The following DPP6 variants were observed in gnomAD, a reference collection of about 807,000 sequenced individuals.
The protein encoded by DPP6 is A-type potassium channel modulatory protein DPP6.
A neutral mutation model predicts 122.6 loss-of-function variants in DPP6; 69 were observed. The ratio of observed to expected loss-of-function variants is 0.56; its 90% CI spans 0.46 to 0.69. The LOEUF (loss-of-function observed/expected upper bound fraction) is 0.69, where lower values mean the gene tolerates loss of function less well. DPP6 is among the 30% of genes least tolerant of loss of function. The pLI, the probability that DPP6 is intolerant of heterozygous loss-of-function variation, is 0.00. For synonymous variants in DPP6, 418 were observed against 433.1 expected (o/e 0.97, Z 0.43); for missense variants, 928 against 1,116.9 (o/e 0.83, Z 2.41).
chr7:154,129,663 G>C (rs1808213907), intron 1 of DPP6, among the ~76,000 whole-genome samples: 1 of 152,188 alleles, frequency 6.6e-6, no homozygotes, highest in South Asian at 2.1e-4. Flanking sequence ...ACTTTGGGAG[G>C]CTGAGGCAGG....
At chr7:154,280,434 T>C (rs1804426081) in intron 1 of DPP6, among the ~76,000 whole-genome samples, 1 of 152,148 alleles carries the variant, frequency 6.6e-6, no homozygotes. Context: ...CCCCACTCAC[T>C]GAACCTGCAG....
intron 1 of DPP6, among the ~76,000 whole-genome samples, chr7:154,366,494 C>T (rs1002808626): frequency 6.6e-6 from 1 of 152,176 alleles, no homozygotes; most frequent in Non-Finnish European, 1.5e-5. Context: ...TGCACGGGAA[C>T]GTTCATGGAA....
chr7:154,865,499 C>G (rs1803783620), intron 17 of DPP6: 1 of 152,238 alleles, frequency 6.6e-6, no homozygotes, highest in African/African-American at 2.4e-5. Context: ...AACTTAGGTG[C>G]ATCATTAGTC....
Position 154,671,870 on chromosome 7 carries a change from A to ACACACACGTG in DPP6, c.762+2436_762+2437insGTGCACACAC, listed in dbSNP as rs1554431546. Reference sequence around the variant, plus strand: ...CCTCCCCCAACACACACATGCACACACACACACACACACACACAATGGTAG... The same window carrying ACACACACGTG: ...CCTCCCCCAACACACACATGCACACACACACACGTGCACACACACACACACACAATGGTAG... On this transcript the variant is annotated intron_variant, in intron 7 of 25. Transcript: ENST00000377770. Among the ~76,000 whole-genome samples, 19 of 150,140 alleles carry ACACACACGTG rather than the reference A, an allele frequency of 1.3e-4. No individual in the cohort carries two copies. The East Asian group carries it at 2.4e-3, about 19-fold the overall frequency.
intron 1 of DPP6, among the ~76,000 whole-genome samples, chr7:154,131,019 G>A (rs563359264): frequency 8.5e-5 from 13 of 152,188 alleles, no homozygotes; most frequent in East Asian, 1.9e-4. Context: ...TTCAGAAGCC[G>A]GAGCCAAGGG....
intron 1 of DPP6, among the ~76,000 whole-genome samples, chr7:153,953,016 TGGCAGAGGGAA>T (rs984208997): frequency 7.2e-5 from 11 of 152,214 alleles, no homozygotes; most frequent in African/African-American, 2.7e-4. Flanking sequence ...TCTTATAATG[TGGCAGAGGGAA>T]GGTGGGAGGA....
chr7:154,350,656 A>AAC (rs1810774647), intron 1 of DPP6, among the ~76,000 whole-genome samples: 1 of 152,120 alleles, frequency 6.6e-6, no homozygotes, highest in Non-Finnish European at 1.5e-5. Flanking sequence ...CTCTGCCTTG[A>AAC]ACAGGTGCAC....
intron 1 of DPP6, among the ~76,000 whole-genome samples, chr7:154,044,377 T>C (rs1419660522): frequency 6.6e-6 from 1 of 152,226 alleles, no homozygotes; most frequent in Non-Finnish European, 1.5e-5. Flanking sequence ...TTCAGTTTTA[T>C]TGCTCCTAAT....
At chr7:154,581,905 C>A (rs189460637) in intron 5 of DPP6, among the ~76,000 whole-genome samples, 7 of 152,162 alleles carry the variant, frequency 4.6e-5, no homozygotes, top group Admixed American at 2.0e-4. Flanking sequence ...TGCTAGAAAC[C>A]AGGATTTTTG....
At chr7:154,438,344 C>T (rs1375163783) in intron 1 of DPP6, among the ~76,000 whole-genome samples, 2 of 151,388 alleles carry the variant, frequency 1.3e-5, no homozygotes, top group African/African-American at 4.9e-5. Flanking sequence ...GTGGCGGGAG[C>T]CTGTAGTCCC....
rs186868596 is a variant in DPP6 at position 154,748,730 on chromosome 7, A to G, written c.884-20687A>G. On this transcript the variant is annotated intron_variant, in intron 8 of 25. Transcript: ENST00000377770. ...AGTGGAGGGTGTGAGCAGGGCTTCG[A>G]TGCCTTTTGCTCACGGTGTCCAGCA... Among the ~76,000 whole-genome samples, 12 of 152,120 alleles carry G rather than the reference A, an allele frequency of 7.9e-5. No homozygotes were observed. In the East Asian group the frequency reaches 2.1e-3, roughly 27 times the overall value.
chr7:154,459,805 C>CA (rs775605275), intron 2 of DPP6, among the ~76,000 whole-genome samples: 4,071 of 62,666 alleles, frequency 0.065, 312 homozygotes, highest in African/African-American at 0.16. Context: ...GATTCCATCT[C>CA]AAAAAAAAAA....
At chr7:154,076,407 G>A (rs898455294) in intron 1 of DPP6, among the ~76,000 whole-genome samples, 2 of 151,650 alleles carry the variant, frequency 1.3e-5, no homozygotes, top group Non-Finnish European at 2.9e-5. Context: ...CCGAGATTGT[G>A]GCAATGCACT....
intron 6 of DPP6, among the ~76,000 whole-genome samples, chr7:154,663,570 C>G (rs1209750196): frequency 2.8e-5 from 1 of 36,240 alleles, no homozygotes; most frequent in African/African-American, 5.3e-5. Context: ...TGTGTTGGCC[C>G]TAGTGTTCAC....
chr7:154,060,675 T>C (rs1472729224), intron 1 of DPP6, among the ~76,000 whole-genome samples: 4 of 127,998 alleles, frequency 3.1e-5, no homozygotes, highest in African/African-American at 6.0e-5. Flanking sequence ...GACTGAGAGC[T>C]ATCCCCTCTT....
chr7:153,754,369 A>G, the DPP6 span, among the ~76,000 whole-genome samples: 2 of 152,182 alleles, frequency 1.3e-5, no homozygotes, highest in Admixed American at 6.5e-5. Context: ...CACTTTAAAG[A>G]TGGCATTCCA....
intron 1 of DPP6, among the ~76,000 whole-genome samples, chr7:154,302,166 A>G (rs868049167): frequency 2.3e-4 from 35 of 152,118 alleles, no homozygotes; most frequent in African/African-American, 7.7e-4. Context: ...ATGCCTTTCA[A>G]TTAGCAACTC....
At chr7:154,029,380 G>A (rs944084119) in intron 1 of DPP6, among the ~76,000 whole-genome samples, 10 of 151,830 alleles carry the variant, frequency 6.6e-5, no homozygotes, top group Admixed American at 1.3e-4. Context: ...AGCTGGGCGC[G>A]GTGGCGGGCG....
At chr7:154,406,855 C>T (rs1415797329) in intron 1 of DPP6, among the ~76,000 whole-genome samples, 2 of 152,162 alleles carry the variant, frequency 1.3e-5, no homozygotes, top group Non-Finnish European at 2.9e-5. Flanking sequence ...GTATATAGAA[C>T]ACCTGATATG....
Sources: gnomAD v4.1 joint callset for allele counts (sites outside exome capture counted in the v4.1 genomes callset) on GRCh38, gnomAD v4.1.1 for gene constraint, MANE v1.5 for transcripts, NCBI Gene and HGNC (gene_info 2026-07-23, HGNC 2026-07-21) for gene names.